CSMD1: variants seen among roughly 807,000 people sequenced by gnomAD.
CSMD1 encodes the protein CUB and sushi domain-containing protein 1.
CSMD1 carries 213 observed loss-of-function variants against 417.5 expected under a neutral mutation model. That is an observed-to-expected ratio of 0.51 (90% CI 0.46 to 0.57). CSMD1 has a LOEUF of 0.57. Ranked by LOEUF, CSMD1 falls within the 20% of genes least tolerant of loss-of-function variation. The pLI, the probability that CSMD1 is intolerant of heterozygous loss-of-function variation, is 0.00. For missense variants in CSMD1, 6,923 were observed against 4,529.7 expected (o/e 1.53, Z -15.17); for synonymous variants, 2,862 against 1,736.8 (o/e 1.65, Z -16.11).
intron 5 of CSMD1, among the ~76,000 whole-genome samples, chr8:3,857,256 T>G (rs997531309): frequency 6.6e-6 from 1 of 152,128 alleles, no homozygotes; most frequent in African/African-American, 2.4e-5. Context: ...CAAGCAATAT[T>G]TACAAATGGA....
At chr8:3,708,666 T>C (rs1210309298) in intron 6 of CSMD1, among the ~76,000 whole-genome samples, 175 bp from the exon 7 acceptor site, 4 of 152,128 alleles carry the variant, frequency 2.6e-5, no homozygotes, top group Admixed American at 2.6e-4. Flanking sequence ...TAAATAATTA[T>C]TGTGAGGCTA....
At chr8:3,720,620 T>TTCACAC (rs72331833) in intron 6 of CSMD1, among the ~76,000 whole-genome samples, 1,804 of 143,410 alleles carry the variant, frequency 0.013, 20 homozygotes, top group African/African-American at 0.022. Flanking sequence ...TCTTTATTCT[T>TTCACAC]ACACACACAC....
chr8:4,679,475 A>T (rs1016474820), intron 1 of CSMD1, among the ~76,000 whole-genome samples: 1 of 152,116 alleles, frequency 6.6e-6, no homozygotes, highest in Non-Finnish European at 1.5e-5. Flanking sequence ...CCCTCTATAT[A>T]CCTATCACTA....
intron 1 of CSMD1, among the ~76,000 whole-genome samples, chr8:4,731,814 TCA>T (rs1308100270): frequency 6.6e-6 from 1 of 152,160 alleles, no homozygotes; most frequent in African/African-American, 2.4e-5. Flanking sequence ...GGCGAACAAC[TCA>T]CAGTGTTTTT....
chr8:3,924,406 T>C (rs1011404391), intron 5 of CSMD1, among the ~76,000 whole-genome samples: 2 of 152,200 alleles, frequency 1.3e-5, no homozygotes, highest in African/African-American at 4.8e-5. Context: ...TAGACATTCA[T>C]TTCCCTCTCC....
chr8:4,500,201 G>A (rs1195976635), intron 2 of CSMD1, among the ~76,000 whole-genome samples: 1 of 150,130 alleles, frequency 6.7e-6, no homozygotes, highest in Non-Finnish European at 1.5e-5. Context: ...GAAGAGGATG[G>A]AACTCCAGGG....
At chr8:3,570,710 T>C (rs1456860247) in intron 10 of CSMD1, among the ~76,000 whole-genome samples, 2 of 152,184 alleles carry the variant, frequency 1.3e-5, no homozygotes, top group East Asian at 3.9e-4. Flanking sequence ...TTCTGTTAGT[T>C]ACAGCCAAAA....
chr8:4,878,038 C>G (rs1211934922), intron 1 of CSMD1, among the ~76,000 whole-genome samples: 2 of 152,060 alleles, frequency 1.3e-5, no homozygotes, highest in African/African-American at 4.8e-5. Context: ...CACATAAAAC[C>G]TATTTGATCT....
intron 8 of CSMD1, among the ~76,000 whole-genome samples, chr8:3,595,489 C>A (rs1331671117): frequency 2.0e-5 from 3 of 152,142 alleles, no homozygotes; most frequent in African/African-American, 7.2e-5. Context: ...GTAGATGGAA[C>A]TCTCTAGCCT....
chr8:3,882,480 T>C (rs556535162), intron 5 of CSMD1, among the ~76,000 whole-genome samples: 31 of 152,324 alleles, frequency 2.0e-4, no homozygotes, highest in African/African-American at 7.5e-4. Context: ...TAGAATTATT[T>C]TGCAAAACTA....
intron 51 of CSMD1, among the ~76,000 whole-genome samples, chr8:3,024,370 A>G (rs930944358): frequency 6.6e-6 from 1 of 151,134 alleles, no homozygotes; most frequent in Admixed American, 6.6e-5. Context: ...CAGTGATGGG[A>G]CCTCAGCTCG....
intron 23 of CSMD1, among the ~76,000 whole-genome samples, chr8:3,323,877 AG>A (rs146647608): frequency 7.7e-6 from 1 of 129,892 alleles, no homozygotes; most frequent in South Asian, 2.7e-4. Flanking sequence ...GAGACCCAGG[AG>A]GGGGAGTTTC....
intron 5 of CSMD1, among the ~76,000 whole-genome samples, chr8:3,867,306 C>T (rs902317023): frequency 6.6e-6 from 1 of 152,160 alleles, no homozygotes; most frequent in African/African-American, 2.4e-5. Context: ...CATGACCAGT[C>T]TAATGATTAC....
At chr8:4,980,914 A>G (rs947080977) in intron 1 of CSMD1, among the ~76,000 whole-genome samples, 1 of 152,046 alleles carries the variant, frequency 6.6e-6, no homozygotes, top group Non-Finnish European at 1.5e-5. Context: ...AAAAAAAAAA[A>G]ACTTATTATC....
intron 5 of CSMD1, among the ~76,000 whole-genome samples, chr8:3,956,064 A>G (rs935139558): frequency 1.7e-4 from 26 of 152,276 alleles, no homozygotes; most frequent in African/African-American, 5.5e-4. Flanking sequence ...CAAAGTGGTG[A>G]GATTATTTGG....
intron 3 of CSMD1, among the ~76,000 whole-genome samples, chr8:4,285,753 T>A (rs1170654641): frequency 6.6e-6 from 1 of 152,180 alleles, no homozygotes; most frequent in African/African-American, 2.4e-5. Context: ...ACTTCAGAGG[T>A]CAAAATAGCT....
intron 63 of CSMD1, among the ~76,000 whole-genome samples, chr8:2,956,691 C>G (rs913895810): frequency 1.3e-5 from 2 of 151,980 alleles, no homozygotes; most frequent in Non-Finnish European, 2.9e-5. Flanking sequence ...CTCCTGACCT[C>G]GTGATCCACC....
At chr8:3,849,242 G>A (rs735484) in intron 5 of CSMD1, among the ~76,000 whole-genome samples, 4,133 of 152,104 alleles carry the variant, frequency 0.027, 80 homozygotes, top group African/African-American at 0.059. Context: ...GGAATAAAAC[G>A]AAACAAAACC....
chr8:3,717,699 T>C (rs2623559), intron 6 of CSMD1, among the ~76,000 whole-genome samples: 3 of 151,876 alleles, frequency 2.0e-5, no homozygotes, highest in African/African-American at 7.3e-5. Flanking sequence ...TGAAGACACT[T>C]AATATTGGTA....
Sources: allele counts gnomAD v4.1 joint callset (sites outside exome capture counted in the v4.1 genomes callset), GRCh38; gene constraint gnomAD v4.1.1; transcripts MANE v1.5; gene names NCBI Gene and HGNC (gene_info 2026-07-23, HGNC 2026-07-21).